MYCBP2: variants seen among roughly 807,000 people sequenced by gnomAD.
MYCBP2 encodes the protein E3 ubiquitin-protein ligase MYCBP2.
MYCBP2 carries 120 observed loss-of-function variants against 525.3 expected under a neutral mutation model. The observed-to-expected ratio is 0.23, with a 90% CI of 0.20 to 0.27. MYCBP2 has a LOEUF of 0.27. Among genes scored for constraint, MYCBP2 ranks in the 10% least tolerant of loss-of-function variants. MYCBP2 has a pLI of 1.00. For missense variants in MYCBP2, 4,149 were observed against 5,657.1 expected (o/e 0.73, Z 8.55); for synonymous variants, 1,894 against 1,955.8 (o/e 0.97, Z 0.83).
Position 77,205,458 on chromosome 13 carries a change from C to A in MYCBP2, c.3715+15G>T. ...CAGTTGTAAGACAACATTTCCTAAA[C>A]CGAAGTATACATACTTTCAAACCTG... On this transcript the variant is annotated intron_variant, in intron 25 of 82. Coordinates refer to ENST00000544440, the MANE Select transcript of MYCBP2 (RefSeq NM_015057.5). 5 of 1,612,084 alleles carry A rather than the reference C, an allele frequency of 3.1e-6. No homozygotes were observed. The highest frequency in any genetic ancestry group is 4.2e-6 in the Non-Finnish European group (5 of 1,179,314).
chr13:77,104,967 G>A (rs2047629236), intron 55 of MYCBP2, among the ~76,000 whole-genome samples: 1 of 152,108 alleles, frequency 6.6e-6, no homozygotes, highest in African/African-American at 2.4e-5. Flanking sequence ...TGCAAAAGGA[G>A]CTCTTATGCT....
At chr13:77,249,030 G>C (rs1330605283) in intron 15 of MYCBP2, among the ~76,000 whole-genome samples, 1 of 152,172 alleles carries the variant, frequency 6.6e-6, no homozygotes, top group African/African-American at 2.4e-5. Flanking sequence ...CAAATACTCT[G>C]ATTCTCTTTA....
At chr13:77,076,202 G>A (rs2042264165) in intron 68 of MYCBP2, 1 of 152,186 alleles carries the variant, frequency 6.6e-6, no homozygotes, top group Non-Finnish European at 1.5e-5. Flanking sequence ...TGTGTGTGAT[G>A]CTACCATGAT....
chr13:77,195,151 A>T (rs922665522), intron 26 of MYCBP2, among the ~76,000 whole-genome samples: 1 of 152,188 alleles, frequency 6.6e-6, no homozygotes, highest in Non-Finnish European at 1.5e-5. Flanking sequence ...CTAAATTTTT[A>T]AATTATATGC....
rs1340877066 is a variant in MYCBP2 at position 77,062,636 on chromosome 13, G to A, written c.12734C>T (p.Ser4245Leu). ...LDQDHVDRLS[S>L]GRWMGKDGQQ... ...TCCATCCTTTCCCATCCATCTCCCC[G>A]AGGAGAGACGATCTACGTGGTCCTG... Residue 4245 changes from serine (S) to leucine (L), a missense_variant, in exon 74 of 83, where the codon TCG becomes TTG. By Grantham distance (145) the Ser-to-Leu change is moderately radical. Coordinates refer to ENST00000544440, the MANE Select transcript of MYCBP2 (RefSeq NM_015057.5). 2 of 1,613,922 alleles carry A rather than the reference G, an allele frequency of 1.2e-6. No homozygotes were observed. Among genetic ancestry groups the A allele is most frequent in the South Asian group, 1.1e-5 (1 of 91,074 alleles).
chr13:77,056,842 C>G, intron 79 of MYCBP2, 144 bp downstream of exon 79: 1 of 619,706 alleles, frequency 1.6e-6, no homozygotes, highest in Non-Finnish European at 2.9e-6. Flanking sequence ...AGATTATATT[C>G]TCAGGTTCCA....
chr13:77,076,759 C>T lies in MYCBP2; in HGVS notation c.11815G>A (p.Val3939Ile). 1 of 1,583,160 alleles carries T rather than the reference C, an allele frequency of 6.3e-7. No individual in the cohort carries two copies. Among genetic ancestry groups the T allele is most frequent in the Non-Finnish European group, 8.7e-7 (1 of 1,155,170 alleles). The stretch of plus-strand genomic sequence containing the variant: ...AGAATACAAATAAATACATTGTATA[C>T]TTTTTCTTCTCCTTCAGGTGATGAC... Reference protein sequence around the residue: ...LLSSPEGEEKVYNATSDADLK... With the variant: ...LLSSPEGEEKIYNATSDADLK... The change falls in exon 68 of 83, where the codon GTA becomes ATA. Residue 3939 changes from valine to isoleucine, a missense_variant. Coordinates refer to ENST00000544440, the MANE Select transcript of MYCBP2 (RefSeq NM_015057.5).
At position 77,326,812 on chromosome 13, in the gene MYCBP2, G is replaced by C. The variant is rs556425066; in HGVS notation, c.-37C>G. 1.4e-6 allele frequency: 2 copies of C among 1,384,418 alleles called. No individual in the cohort carries two copies. The highest frequency in any genetic ancestry group is 1.8e-6 in the Non-Finnish European group (2 of 1,082,200). 85.8% of individuals were successfully genotyped at this position (1,384,418 alleles called of 1,614,324 possible). A position where few individuals can be genotyped will look rare whatever the true frequency, so the allele number is the denominator to read the frequency against. ...CCGCCGCCGCCGCCGCCTCGTCCCC[G>C]CGGGCCGGGCGGGCAGACACGCGCG... On this transcript the variant is annotated 5_prime_UTR_variant, in exon 1 of 83. Transcript: ENST00000544440. This position sits in a 1 kb window ranked among gnomAD's most constrained non-coding sequence, Gnocchi z 4.2.
At chr13:77,099,499 C>A in intron 55 of MYCBP2, 1 of 178,068 alleles carries the variant, frequency 5.6e-6, no homozygotes, top group East Asian at 1.6e-4. Flanking sequence ...TATGCATAGA[C>A]ACAATTATAA....
At chr13:77,312,957 C>T (rs897452487) in intron 1 of MYCBP2, among the ~76,000 whole-genome samples, 2 of 151,710 alleles carry the variant, frequency 1.3e-5, no homozygotes, top group East Asian at 1.9e-4. Flanking sequence ...CAAAGATGAC[C>T]GAACACATTC....
intron 7 of MYCBP2, 34 bp downstream of exon 7, chr13:77,269,958 A>T (rs757898179): frequency 8.6e-6 from 13 of 1,503,732 alleles, no homozygotes; most frequent in Admixed American, 1.9e-5. Flanking sequence ...GTAAAAGATA[A>T]GAAAATTTTG....
At chr13:77,169,339 T>A (rs2058892936) in intron 39 of MYCBP2, among the ~76,000 whole-genome samples, 1 of 136,574 alleles carries the variant, frequency 7.3e-6, no homozygotes, top group African/African-American at 2.8e-5. Context: ...GAGCTTGCAG[T>A]GAGCGGAGAT....
Position 77,045,364 on chromosome 13 carries a change from A to T in MYCBP2, c.*14T>A. The T allele has an allele frequency of 2.5e-6, 4 of 1,594,642 alleles. No individual in the cohort carries two copies. Among genetic ancestry groups the T allele is most frequent in the Non-Finnish European group, 3.4e-6 (4 of 1,164,206 alleles). On this transcript the variant is annotated 3_prime_UTR_variant, in exon 83 of 83. Transcript: ENST00000544440. The stretch of plus-strand genomic sequence containing the variant: ...AGGCAATTTTTCTCTCTGTAGACAA[A>T]GGATCTGCGTGTTCTAAAAAGTGTG...
intron 37 of MYCBP2, among the ~76,000 whole-genome samples, chr13:77,172,186 G>A (rs996459893): frequency 5.3e-5 from 8 of 151,494 alleles, no homozygotes; most frequent in African/African-American, 9.7e-5. Context: ...GGAGTGAGCC[G>A]CGCACCCAGC....
chr13:77,189,784 T>C (rs1486047721), intron 29 of MYCBP2, among the ~76,000 whole-genome samples: 1 of 152,190 alleles, frequency 6.6e-6, no homozygotes, highest in East Asian at 1.9e-4. Context: ...AAGTTATTAT[T>C]TGGTATTTTA....
chr13:77,199,412 T>A (rs1179634589), intron 26 of MYCBP2, among the ~76,000 whole-genome samples: 1 of 152,204 alleles, frequency 6.6e-6, no homozygotes, highest in Non-Finnish European at 1.5e-5. Context: ...GTCTCGCTGA[T>A]TGCTAGCACA....
At chr13:77,321,831 A>T (rs548638233) in intron 1 of MYCBP2, among the ~76,000 whole-genome samples, 1 of 152,330 alleles carries the variant, frequency 6.6e-6, no homozygotes, top group East Asian at 1.9e-4. Context: ...TGTGTCTTAT[A>T]AATTTTTATA....
At chr13:77,073,338 CA>C (rs1229588658) in intron 68 of MYCBP2, among the ~76,000 whole-genome samples, 1 of 152,084 alleles carries the variant, frequency 6.6e-6, no homozygotes. Context: ...AAAAAGAATC[CA>C]TTCTGATAGA....
intron 57 of MYCBP2, among the ~76,000 whole-genome samples, 197 bp downstream of exon 57, chr13:77,096,115 C>A: frequency 6.6e-6 from 1 of 151,150 alleles, no homozygotes; most frequent in Admixed American, 6.6e-5. Context: ...TAGTGTTATT[C>A]CAATATATAG....
Sources: allele counts gnomAD v4.1 joint callset (sites outside exome capture counted in the v4.1 genomes callset), GRCh38; gene constraint gnomAD v4.1.1; non-coding constraint Gnocchi (gnomAD v3.1); transcripts MANE v1.5; gene names NCBI Gene and HGNC (gene_info 2026-07-23, HGNC 2026-07-21).